The following PIK3C2A variants were observed in gnomAD, a reference collection of about 807,000 sequenced individuals.
PIK3C2A encodes phosphatidylinositol-4-phosphate 3-kinase catalytic subunit type 2 alpha.
In PIK3C2A, 97 loss-of-function variants were observed where a neutral mutation model predicts 204.5. The ratio of observed to expected loss-of-function variants is 0.47; its 90% CI spans 0.40 to 0.56. The LOEUF is 0.56. PIK3C2A is among the 20% of genes least tolerant of loss of function. PIK3C2A has a pLI of 0.00. For missense variants in PIK3C2A, 1,735 were observed against 1,969.2 expected, an observed-to-expected ratio of 0.88 and a Z score of 2.25; for synonymous variants, 653 against 664.4, an observed-to-expected ratio of 0.98 and a Z score of 0.26.
chr11:17,122,294 T>C lies in PIK3C2A; in HGVS notation c.2551A>G (p.Thr851Ala), dbSNP rs1381030168. Reference protein sequence around the residue: ...PSPAFDIIYTTPQVDRSIIQQ... With the variant: ...PSPAFDIIYTAPQVDRSIIQQ... ...ATAATGCTTCTGTCAACTTGAGGAG[T>C]TGTATAAATAATATCAAATGCAGGA... The change falls in exon 15 of 33, where the codon ACT (threonine) becomes GCT (alanine). Residue 851 changes from threonine (T) to alanine (A), a missense_variant. Physicochemically the swap from Thr to Ala is moderately conservative, Grantham distance 58 (BLOSUM62 0). Transcript: ENST00000691414. 1 of 1,537,558 alleles carries C rather than the reference T, an allele frequency of 6.5e-7. No homozygotes were observed. The highest frequency in any genetic ancestry group is 1.4e-5 in the African/African-American group (1 of 73,448).
At chr11:17,090,240 G>A (rs950860350) in intron 32 of PIK3C2A, among the ~76,000 whole-genome samples, 1 of 152,138 alleles carries the variant, frequency 6.6e-6, no homozygotes, top group South Asian at 2.1e-4. Flanking sequence ...AGGCTGAGGC[G>A]GGTAGATCAC....
intron 11 of PIK3C2A, 112 bp downstream of exon 11, chr11:17,134,707 C>T (rs1849813667): frequency 1.2e-5 from 9 of 779,520 alleles, no homozygotes; most frequent in Non-Finnish European, 2.0e-5. Flanking sequence ...GGTCTCATTG[C>T]CAAGGCTGGT....
At chr11:17,191,868 C>G (rs2137552650) in intron 1 of PIK3C2A, among the ~76,000 whole-genome samples, 1 of 151,676 alleles carries the variant, frequency 6.6e-6, no homozygotes, top group East Asian at 1.9e-4. Flanking sequence ...TGTGGTGGCT[C>G]ATGCCTGTAC....
At chr11:17,170,080 T>G (rs1241098976) in intron 1 of PIK3C2A, among the ~76,000 whole-genome samples, 1 of 152,216 alleles carries the variant, frequency 6.6e-6, no homozygotes, top group Non-Finnish European at 1.5e-5. Context: ...CGCTTTCATT[T>G]TAGCAGTCAA....
At chr11:17,129,156 A>G (rs1398783343) in intron 13 of PIK3C2A, 144 bp downstream of exon 13, 1 of 628,066 alleles carries the variant, frequency 1.6e-6, no homozygotes, top group East Asian at 2.7e-5. Flanking sequence ...GTGTCTCTGA[A>G]CTGACCTCCT....
chr11:17,136,506 A>G lies in PIK3C2A; in HGVS notation c.1824T>C (p.Asn608=). The G allele has an allele frequency of 1.9e-6, 3 of 1,610,304 alleles. No individual in the cohort carries two copies. Among genetic ancestry groups the G allele is most frequent in the Non-Finnish European group, 2.5e-6 (3 of 1,176,976 alleles). The change falls in exon 9 of 33, where the codon AAT becomes AAC. Residue 608 remains asparagine (N), a synonymous_variant. Coordinates refer to ENST00000691414, the MANE Select transcript of PIK3C2A (RefSeq NM_002645.4). ...CATCAGCAGTTTTACTCCTTGGAAG[A>G]TTAACTGCTCTCTTTAGCTTCTTTA... ...ESVKKLKRAV[N]LPRSKTADVT... is the part of the protein sequence containing the mutation.
intron 1 of PIK3C2A, among the ~76,000 whole-genome samples, chr11:17,171,514 T>A (rs867127925): frequency 6.6e-6 from 1 of 150,864 alleles, no homozygotes; most frequent in Non-Finnish European, 1.5e-5. Flanking sequence ...AAAAAAAAAA[T>A]TTTTACTAAG....
At chr11:17,176,492 G>C (rs1420355926) in intron 1 of PIK3C2A, among the ~76,000 whole-genome samples, 1 of 151,532 alleles carries the variant, frequency 6.6e-6, no homozygotes, top group Non-Finnish European at 1.5e-5. Context: ...AAAAAAAAAA[G>C]ATTATGGGCT....
At chr11:17,181,641 T>C (rs1233634281) in intron 1 of PIK3C2A, among the ~76,000 whole-genome samples, 886 of 4,968 alleles carry the variant, frequency 0.18, 51 homozygotes, top group Middle Eastern at 0.5. Context: ...TATATATATA[T>C]ATATATATAT....
At chr11:17,110,372 A>T in intron 22 of PIK3C2A, 60 bp downstream of exon 22, 1 of 1,319,542 alleles carries the variant, frequency 7.6e-7, no homozygotes, top group Non-Finnish European at 1.0e-6. Flanking sequence ...TACGGCAGGT[A>T]CACTTTAAGC....
intron 1 of PIK3C2A, among the ~76,000 whole-genome samples, chr11:17,203,069 T>C (rs1852444371): frequency 6.6e-6 from 1 of 152,222 alleles, no homozygotes; most frequent in Non-Finnish European, 1.5e-5. Flanking sequence ...CATTTGTTTT[T>C]GTACCCAAAT....
At chr11:17,135,261 C>G in intron 9 of PIK3C2A, 102 bp from the exon 10 acceptor site, 1 of 1,023,016 alleles carries the variant, frequency 9.8e-7, no homozygotes, top group Non-Finnish European at 1.5e-6. Flanking sequence ...GGAAACCTCC[C>G]AAGTATCTAC....
intron 24 of PIK3C2A, among the ~76,000 whole-genome samples, chr11:17,101,812 C>G (rs1025858909): frequency 4.0e-5 from 6 of 151,694 alleles, no homozygotes; most frequent in African/African-American, 1.2e-4. Flanking sequence ...ACCGTGTTAG[C>G]CAGGATGGTC....
At chr11:17,123,273 A>C (rs1205998684) in intron 13 of PIK3C2A, among the ~76,000 whole-genome samples, 2 of 152,144 alleles carry the variant, frequency 1.3e-5, no homozygotes, top group Admixed American at 6.6e-5. Flanking sequence ...GTTTTGAGAC[A>C]GGGTCTTGCT....
At chr11:17,149,142 A>G (rs2137431799) in intron 4 of PIK3C2A, among the ~76,000 whole-genome samples, 1 of 152,304 alleles carries the variant, frequency 6.6e-6, no homozygotes, top group East Asian at 1.9e-4. Context: ...TAAACAATAC[A>G]GTACAGCATA....
At position 17,086,895 on chromosome 11, in the gene PIK3C2A, T is replaced by A. The variant is rs536577637; in HGVS notation, c.*2843A>T. On this transcript the variant is annotated 3_prime_UTR_variant, in exon 33 of 33. Transcript: ENST00000691414. ...TTGAATCCTAGAAAGAATAGGCAAC[T>A]AATTTAAGGCAAGATATTGAAACTT... The A allele has an allele frequency of 6.6e-6, 1 of 152,206 alleles. No individual in the cohort carries two copies. The highest frequency in any genetic ancestry group is 1.5e-5 in the Non-Finnish European group (1 of 68,038). 9.4% of individuals were successfully genotyped at this position (152,206 alleles called of 1,614,324 possible). A position where few individuals can be genotyped will look rare whatever the true frequency, so the allele number is the denominator to read the frequency against.
At chr11:17,174,593 CA>C (rs71047532) in intron 1 of PIK3C2A, among the ~76,000 whole-genome samples, 5 of 35,712 alleles carry the variant, frequency 1.4e-4, no homozygotes, top group Admixed American at 4.2e-4. Flanking sequence ...GACTCCGTCT[CA>C]AAAAAAAAAA....
intron 28 of PIK3C2A, among the ~76,000 whole-genome samples, chr11:17,092,787 TTTA>T (rs774305007): frequency 3.2e-4 from 49 of 152,368 alleles, no homozygotes; most frequent in Admixed American, 7.8e-4. Flanking sequence ...ATTTCCTATA[TTTA>T]TTATTAGCTT....
At chr11:17,106,505 C>G (rs1420805589) in intron 22 of PIK3C2A, among the ~76,000 whole-genome samples, 1 of 152,192 alleles carries the variant, frequency 6.6e-6, no homozygotes, top group Non-Finnish European at 1.5e-5. Context: ...TCAATTTTGA[C>G]TATTTGAGAC....
Sources: gnomAD v4.1 joint callset for allele counts (sites outside exome capture counted in the v4.1 genomes callset) on GRCh38, gnomAD v4.1.1 for gene constraint, MANE v1.5 for transcripts, NCBI Gene and HGNC (gene_info 2026-07-23, HGNC 2026-07-21) for gene names.